FAT3: variants seen among roughly 807,000 people sequenced by gnomAD.
FAT3 encodes protocadherin Fat 3.
In FAT3, 95 loss-of-function variants were observed where a neutral mutation model predicts 310.2. That is an observed-to-expected ratio of 0.31 (90% confidence interval 0.26 to 0.36). The LOEUF (loss-of-function observed/expected upper bound fraction) is 0.36. FAT3 is among the 10% of genes least tolerant of loss of function. The pLI, the probability that FAT3 is intolerant of heterozygous loss-of-function variation, is 1.00. For synonymous variants in FAT3, 2,314 were observed against 2,192.9 expected, an observed-to-expected ratio of 1.06 and a Z score of -1.54; for missense variants, 5,408 against 5,715.6, an observed-to-expected ratio of 0.95 and a Z score of 1.74.
At position 92,843,852 on chromosome 11, in the gene FAT3, C is replaced by T. The variant is rs962675164; in HGVS notation, c.10567-82C>T. 1.6e-5 allele frequency: 21 copies of T among 1,274,316 alleles called. No homozygotes were observed. The Admixed American group carries it at 3.6e-4, about 22-fold the overall frequency. 78.9% of individuals were successfully genotyped at this position (1,274,316 alleles called of 1,614,324 possible). On this transcript the variant is annotated intron_variant, in intron 18 of 27. Coordinates refer to ENST00000525166, the MANE Select transcript of FAT3 (RefSeq NM_001367949.2). Reference sequence around the variant, plus strand: ...GAAGAAGCAAACGTAAAGGTACAGACGTCTTCTATCTGCGGGTTTTTAAAA... The same window carrying T: ...GAAGAAGCAAACGTAAAGGTACAGATGTCTTCTATCTGCGGGTTTTTAAAA...
chr11:92,350,637 GC>G (rs1293929641), intron 1 of FAT3, among the ~76,000 whole-genome samples: 1 of 152,038 alleles, frequency 6.6e-6, no homozygotes, highest in African/African-American at 2.4e-5. Flanking sequence ...CTACTTGCCG[GC>G]TGGGGAACAT....
At chr11:92,755,104 G>A (rs1009142086) in intron 4 of FAT3, among the ~76,000 whole-genome samples, 9 of 152,168 alleles carry the variant, frequency 5.9e-5, no homozygotes, top group Non-Finnish European at 1.3e-4. Context: ...CAAAGGATAC[G>A]AAATTTCAGT....
At chr11:92,472,932 C>G (rs1398272026) in intron 2 of FAT3, among the ~76,000 whole-genome samples, 3 of 152,202 alleles carry the variant, frequency 2.0e-5, no homozygotes, top group Admixed American at 6.5e-5. Context: ...TCTAAGAAGG[C>G]TGCTTGCTCT....
intron 3 of FAT3, among the ~76,000 whole-genome samples, chr11:92,607,373 A>G (rs781668631): frequency 4.6e-5 from 7 of 152,172 alleles, no homozygotes; most frequent in Non-Finnish European, 1.0e-4. Flanking sequence ...TTCATCTGTA[A>G]TCCATCTGAT....
In FAT3 at chr11:92,737,520, CGT is replaced by C. The variant is rs371518565; in HGVS notation, c.3670-24321_3670-24320del. On this transcript the variant is annotated intron_variant, in intron 4 of 27. Coordinates refer to ENST00000525166, the MANE Select transcript of FAT3 (RefSeq NM_001367949.2). The stretch of plus-strand genomic sequence containing the variant: ...GTGTGTATATATACATCACTGTGTA[CGT>C]GTGTGTGTGTGTGTCTGTGTGTGTG... Among the ~76,000 whole-genome samples the C allele has an allele frequency of 2.7e-3, 408 of 150,430 alleles. 6 individuals are homozygous for C. Among genetic ancestry groups the C allele is most frequent in the Admixed American group, 0.023 (339 of 15,066 alleles).
rs189502612 is a variant in FAT3, at chr11:92,255,869, C to T, written c.-18+30695C>T. On this transcript the variant is annotated intron_variant, in intron 1 of 27. Transcript: ENST00000525166. ...ATTTCACACTGTTGCGAATAGGTAA[C>T]AGGGCCTTTGTTATGACAAAGATGT... Among the ~76,000 whole-genome samples the T allele has an allele frequency of 5.9e-4, 90 of 152,216 alleles. 1 individual carries two copies. The highest frequency in any genetic ancestry group is 2.1e-3 in the African/African-American group (88 of 41,552).
rs769059660 is a variant in FAT3 at position 92,790,036 on chromosome 11, A to G, written c.4429A>G (p.Thr1477Ala). 2.5e-6 allele frequency: 4 copies of G among 1,613,846 alleles called. No individual in the cohort carries two copies. The Admixed American group carries it at 5.0e-5, about 20-fold the overall frequency. Residue 1477 changes from threonine to alanine, a missense_variant, in exon 8 of 28, where the codon ACG (threonine) becomes GCG (alanine). By Grantham distance (58) the Thr-to-Ala change is moderately conservative. Transcript: ENST00000525166. ...AATTTCCGAGGATGTGCTTCCAGAC[A>G]CGGAGATCCTGCAGATTGAAGCCAC... is the stretch of plus-strand genomic sequence containing the variant. Reference protein sequence around the residue: ...VTISEDVLPDTEILQIEATDR... With the variant: ...VTISEDVLPDAEILQIEATDR...
At chr11:92,836,471 C>G (rs892067717) in intron 15 of FAT3, 95 bp from the exon 16 acceptor site, 9 of 1,433,730 alleles carry the variant, frequency 6.3e-6, no homozygotes, top group Non-Finnish European at 8.5e-6. Context: ...AAAACTGTCA[C>G]AGCTGCACCC....
chr11:92,681,189 C>T (rs1011532564), intron 3 of FAT3, among the ~76,000 whole-genome samples: 1 of 152,134 alleles, frequency 6.6e-6, no homozygotes, highest in Non-Finnish European at 1.5e-5. Context: ...ACCTTACATT[C>T]TAGAGAAGGA....
intron 7 of FAT3, among the ~76,000 whole-genome samples, chr11:92,788,232 G>C (rs996117843): frequency 6.6e-6 from 1 of 152,126 alleles, no homozygotes; most frequent in African/African-American, 2.4e-5. Flanking sequence ...GAACTAACTG[G>C]AAGAGGCTCC....
At chr11:92,569,430 G>C (rs1182584511) in intron 3 of FAT3, among the ~76,000 whole-genome samples, 1 of 152,112 alleles carries the variant, frequency 6.6e-6, no homozygotes, top group Non-Finnish European at 1.5e-5. Flanking sequence ...TGACATATCA[G>C]GCTTTTGTTT....
At chr11:92,623,239 G>T (rs1022020941) in intron 3 of FAT3, among the ~76,000 whole-genome samples, 9 of 148,242 alleles carry the variant, frequency 6.1e-5, no homozygotes, top group African/African-American at 2.3e-4. Context: ...AAGAAGGTAT[G>T]CTTCCCCCAG....
chr11:92,678,374 T>C (rs980891843), intron 3 of FAT3, among the ~76,000 whole-genome samples: 3 of 152,150 alleles, frequency 2.0e-5, no homozygotes, highest in African/African-American at 4.8e-5. Flanking sequence ...AGTTTTCCTT[T>C]TGATTCAGTT....
chr11:92,873,249 G>A (rs1949437393), intron 22 of FAT3, among the ~76,000 whole-genome samples: 1 of 152,142 alleles, frequency 6.6e-6, no homozygotes, highest in African/African-American at 2.4e-5. Flanking sequence ...CCCAGGTAGT[G>A]GGTAACAGCC....
chr11:92,257,281 G>A (rs894839427), intron 1 of FAT3, among the ~76,000 whole-genome samples: 5 of 151,998 alleles, frequency 3.3e-5, no homozygotes, highest in African/African-American at 9.7e-5. Flanking sequence ...TGGTTTTAAC[G>A]GCTGTTTGTA....
intron 7 of FAT3, among the ~76,000 whole-genome samples, chr11:92,788,856 A>G (rs1215215403): frequency 7.9e-5 from 12 of 152,186 alleles, no homozygotes; most frequent in Admixed American, 7.9e-4. Flanking sequence ...TAACAACAAT[A>G]ACACCATAAA....
intron 1 of FAT3, among the ~76,000 whole-genome samples, chr11:92,236,751 C>T (rs1470213872): frequency 6.6e-6 from 1 of 152,120 alleles, no homozygotes; most frequent in Non-Finnish European, 1.5e-5. Context: ...AAAATTTGCT[C>T]ACAGTTCAGT....
At position 92,524,829 on chromosome 11, in the gene FAT3, A is replaced by G; in HGVS notation, c.3488A>G (p.Lys1163Arg). ...YYPVVMENSP[K>R]DVSVIQIQAE... ...CCTGTTGTCATGGAAAACTCTCCAA[A>G]GGACGTATCTGTCATTCAGATCCAG... Residue 1163 changes from lysine (K) to arginine (R), a missense_variant, in exon 3 of 28, where the codon AAG (lysine) becomes AGG (arginine). Physicochemically the swap from Lys to Arg is conservative, Grantham distance 26 (BLOSUM62 2). Around this residue, in one of 5 missense-constraint regions of FAT3, gnomAD observed 4,588 missense variants for 4,809.8 expected, o/e 0.95. Coordinates refer to ENST00000525166, the MANE Select transcript of FAT3 (RefSeq NM_001367949.2). 2 of 1,613,880 alleles carry G rather than the reference A, an allele frequency of 1.2e-6. No individual in the cohort carries two copies. Among genetic ancestry groups the G allele is most frequent in the Non-Finnish European group, 1.7e-6 (2 of 1,179,828 alleles).
intron 3 of FAT3, among the ~76,000 whole-genome samples, chr11:92,605,365 G>A (rs1445303735): frequency 6.6e-6 from 1 of 152,212 alleles, no homozygotes; most frequent in Non-Finnish European, 1.5e-5. Context: ...GTGGGCTGCA[G>A]TGTGATGGGG....
Sources: gnomAD v4.1 joint callset for allele counts (sites outside exome capture counted in the v4.1 genomes callset) on GRCh38, gnomAD v4.1.1 for gene constraint, gnomAD v4.1.1 regional missense constraint, MANE v1.5 for transcripts, NCBI Gene and HGNC (gene_info 2026-07-23, HGNC 2026-07-21) for gene names.